The following SMARCA5 variants were observed in gnomAD, a reference collection of about 807,000 sequenced individuals.
The protein encoded by SMARCA5 is SWI/SNF-related matrix-associated actin-dependent regulator of chromatin subfamily A member 5.
In SMARCA5, 18 loss-of-function variants were observed where a neutral mutation model predicts 140.4. That is an observed-to-expected ratio of 0.13 (90% CI 0.09 to 0.19). The LOEUF (loss-of-function observed/expected upper bound fraction) is 0.19, where lower values mean the gene tolerates loss of function less well. Among genes scored for constraint, SMARCA5 ranks in the 10% least tolerant of loss-of-function variants. The pLI is 1.00. For missense variants in SMARCA5, 606 were observed against 1,276.8 expected (o/e 0.47, Z 8.01); for synonymous variants, 449 against 419.6 (o/e 1.07, Z -0.86).
chr4:143,521,240 A>C (rs991270868), intron 2 of SMARCA5, among the ~76,000 whole-genome samples, 189 bp from the exon 3 acceptor site: 1 of 151,970 alleles, frequency 6.6e-6, no homozygotes, highest in Admixed American at 6.6e-5. Flanking sequence ...GGAATCATAC[A>C]GCATGTAGTC....
intron 14 of SMARCA5, 32 bp from the exon 15 acceptor site, chr4:143,543,477 A>C (rs369954253): frequency 6.3e-7 from 1 of 1,586,328 alleles, no homozygotes; most frequent in Non-Finnish European, 8.6e-7. Flanking sequence ...AAGTCTGTTC[A>C]GTTAACATTA....
chr4:143,550,661 C>T (rs1203268706), intron 23 of SMARCA5, among the ~76,000 whole-genome samples: 1 of 151,856 alleles, frequency 6.6e-6, no homozygotes, highest in African/African-American at 2.4e-5. Flanking sequence ...GTTTTTAGCT[C>T]CCACAAATAA....
At chr4:143,529,296 G>A (rs1737135031) in intron 8 of SMARCA5, among the ~76,000 whole-genome samples, 1 of 152,132 alleles carries the variant, frequency 6.6e-6, no homozygotes, top group Admixed American at 6.6e-5. Context: ...ACTCCTATTT[G>A]GTAAGTCAGG....
chr4:143,549,969 G>A (rs1015861465), intron 22 of SMARCA5, 28 bp from the exon 23 acceptor site: 2 of 1,240,996 alleles, frequency 1.6e-6, no homozygotes, highest in African/African-American at 1.5e-5. Context: ...GATGGAAAGT[G>A]CGTGTACCAT....
chr4:143,532,138 T>C (rs375816284), intron 9 of SMARCA5, among the ~76,000 whole-genome samples: 24 of 152,374 alleles, frequency 1.6e-4, no homozygotes, highest in African/African-American at 5.8e-4. Flanking sequence ...TATTTCATTA[T>C]AAAGTACTTT....
intron 9 of SMARCA5, among the ~76,000 whole-genome samples, chr4:143,533,559 G>A (rs1297007588): frequency 2.1e-5 from 3 of 145,286 alleles, no homozygotes; most frequent in Admixed American, 7.1e-5. Context: ...CCAGGATGGA[G>A]TGCAGTGGCG....
intron 11 of SMARCA5, 99 bp from the exon 12 acceptor site, chr4:143,538,484 TAGGTAGC>T: frequency 1.2e-6 from 1 of 863,420 alleles, no homozygotes; most frequent in Non-Finnish European, 1.8e-6. Flanking sequence ...TGTAACCAAG[TAGGTAGC>T]TTTGGAATTA....
At chr4:143,549,569 A>G (rs1321354764) in intron 22 of SMARCA5, among the ~76,000 whole-genome samples, 4 of 152,134 alleles carry the variant, frequency 2.6e-5, no homozygotes, top group Non-Finnish European at 5.9e-5. Flanking sequence ...CCATAATTCT[A>G]GTGATACTTT....
chr4:143,540,392 G>C lies in SMARCA5; in HGVS notation c.1800G>C (p.Lys600Asn), dbSNP rs140508812. The C allele has an allele frequency of 4.5e-5, 73 of 1,612,200 alleles. No homozygotes were observed. Among genetic ancestry groups the C allele is most frequent in the Non-Finnish European group, 6.8e-6 (8 of 1,179,066 alleles). The change falls in exon 14 of 24, where the codon AAG (lysine) becomes AAC (asparagine). Residue 600 changes from lysine to asparagine, a missense_variant. Physicochemically the swap from Lys to Asn is moderately conservative, Grantham distance 94. Around this residue, in one of 10 missense-constraint regions of SMARCA5, gnomAD observed 62 missense variants for 256.6 expected, o/e 0.24. Transcript: ENST00000283131. ...MDRAHRIGQT[K>N]TVRVFRFITD... is the part of the protein sequence containing the mutation. ...GAGCACATAGAATTGGGCAGACTAA[G>C]ACAGTCAGAGTGTTCCGCTTTATAA...
intron 1 of SMARCA5, 75 bp from the exon 2 acceptor site, chr4:143,517,280 G>T: frequency 3.1e-6 from 3 of 977,902 alleles, no homozygotes; most frequent in South Asian, 1.6e-5. Context: ...GATGTGTTTT[G>T]GTCAGAAATT....
At chr4:143,526,525 G>C in intron 6 of SMARCA5, 65 bp downstream of exon 6, 1 of 1,018,170 alleles carries the variant, frequency 9.8e-7, no homozygotes, top group East Asian at 2.4e-5. Context: ...CTTGGGTATG[G>C]GTATAGCTGG....
chr4:143,538,652 A>T lies in SMARCA5; in HGVS notation c.1558A>T (p.Met520Leu). Residue 520 changes from methionine (M) to leucine (L), a missense_variant, in exon 12 of 24, where the codon ATG becomes TTG. Coordinates refer to ENST00000283131, the MANE Select transcript of SMARCA5 (RefSeq NM_003601.4). ...ATTGGACATTTTGGAAGATTATTGC[A>T]TGTGGAGAAATTATGAGTACTGCAG... The part of the protein sequence containing the change: ...RVLDILEDYC[M>L]WRNYEYCRLD... 6.2e-7 allele frequency: 1 copy of T among 1,613,476 alleles called. No homozygotes were observed. The highest frequency in any genetic ancestry group is 8.5e-7 in the Non-Finnish European group (1 of 1,179,414).
At chr4:143,535,956 G>A (rs751422953) in intron 10 of SMARCA5, among the ~76,000 whole-genome samples, 9 of 151,968 alleles carry the variant, frequency 5.9e-5, no homozygotes, top group Admixed American at 1.3e-4. Flanking sequence ...TTTAAGTCAC[G>A]TTGTATTCAT....
intron 3 of SMARCA5, among the ~76,000 whole-genome samples, chr4:143,523,351 A>G (rs1365827342): frequency 6.6e-6 from 1 of 151,996 alleles, no homozygotes; most frequent in Non-Finnish European, 1.5e-5. Flanking sequence ...TTTTTAAGTC[A>G]TTCACGATTA....
At position 143,521,439 on chromosome 4, in the gene SMARCA5, G is replaced by T. The variant is rs758104763; in HGVS notation, c.263G>T (p.Arg88Leu). The T allele has an allele frequency of 6.3e-7, 1 of 1,592,472 alleles. No individual in the cohort carries two copies. The highest frequency in any genetic ancestry group is 8.5e-7 in the Non-Finnish European group (1 of 1,170,920). Residue 88 changes from arginine (R) to leucine (L), a missense_variant, in exon 3 of 24, where the codon CGG becomes CTG. By Grantham distance (102) the Arg-to-Leu change is moderately radical. Coordinates refer to ENST00000283131, the MANE Select transcript of SMARCA5 (RefSeq NM_003601.4). ...ATTTTTTTTTTTCAGCAAACTGACC[G>T]GGCAAATAGATTCGAGTATTTATTA... ...PTYEEKMQTDRANRFEYLLKQ... is the reference protein window; with the variant it reads ...PTYEEKMQTDLANRFEYLLKQ...
intron 23 of SMARCA5, 121 bp downstream of exon 23, chr4:143,550,225 CTTTTTTTT>C (rs70953739): frequency 4.7e-6 from 1 of 214,664 alleles, no homozygotes. Context: ...ATTGCCTTTA[CTTTTTTTT>C]TTTTTTTTTT....
chr4:143,540,608 G>T (rs939372760), intron 14 of SMARCA5, 113 bp downstream of exon 14: 1 of 965,798 alleles, frequency 1.0e-6, no homozygotes. Flanking sequence ...CAAGCTTGCA[G>T]CCAGTAGAGA....
intron 11 of SMARCA5, among the ~76,000 whole-genome samples, chr4:143,538,239 AG>A (rs1260761727): frequency 6.6e-6 from 1 of 152,082 alleles, no homozygotes; most frequent in African/African-American, 2.4e-5. Context: ...TGTGTGTTGG[AG>A]GTTTGGGGAG....
At chr4:143,545,860 T>G in intron 18 of SMARCA5, 65 bp from the exon 19 acceptor site, 1 of 1,379,520 alleles carries the variant, frequency 7.2e-7, no homozygotes, top group South Asian at 1.3e-5. Flanking sequence ...GAAATGTCAG[T>G]TAGTTGGTTC....
Sources: gnomAD v4.1 joint callset for allele counts (sites outside exome capture counted in the v4.1 genomes callset) on GRCh38, gnomAD v4.1.1 for gene constraint, gnomAD v4.1.1 regional missense constraint, MANE v1.5 for transcripts, NCBI Gene and HGNC (gene_info 2026-07-23, HGNC 2026-07-21) for gene names.